Variants in ARPC1A observed in about 807,000 individuals in gnomAD.
ARPC1A encodes actin-related protein 2/3 complex subunit 1A.
Under a neutral mutation model 46.9 loss-of-function variants are expected in ARPC1A, and 8 were observed. The ratio of observed to expected loss-of-function variants is 0.17; its 90% CI spans 0.10 to 0.31. The LOEUF is 0.31. Ranked by LOEUF, ARPC1A falls within the 10% of genes least tolerant of loss-of-function variation. The pLI, the probability that ARPC1A is intolerant of heterozygous loss-of-function variation, is 1.00. For missense variants in ARPC1A, 286 were observed against 483.6 expected, an observed-to-expected ratio of 0.59 and a Z score of 3.83; for synonymous variants, 152 against 169.0, an observed-to-expected ratio of 0.90 and a Z score of 0.78.
At position 99,334,004 on chromosome 7, in the gene ARPC1A, T is replaced by TACAC. The variant is rs547756931; in HGVS notation, c.64+611_64+614dup. Among the ~76,000 whole-genome samples, 413 of 141,356 alleles carry TACAC rather than the reference T, an allele frequency of 2.9e-3. 3 individuals are homozygous for TACAC. Among genetic ancestry groups the TACAC allele is most frequent in the African/African-American group, 6.1e-3 (228 of 37,172 alleles). 92.7% of individuals were successfully genotyped at this position (141,356 alleles called of 152,430 possible). A position where few individuals can be genotyped will look rare whatever the true frequency, so the allele number is the denominator to read the frequency against. On this transcript the variant is annotated intron_variant, in intron 2 of 9. Coordinates refer to ENST00000262942, the MANE Select transcript of ARPC1A (RefSeq NM_006409.4). ...AAAATAGAAAAACTGTGTGTGTGTG[T>TACAC]ACACACACACACACACACACACACA...
intron 9 of ARPC1A, among the ~76,000 whole-genome samples, chr7:99,365,288 T>C (rs1793816752): frequency 1.3e-5 from 2 of 151,502 alleles, no homozygotes; most frequent in African/African-American, 4.9e-5. Context: ...CCCATCTCTA[T>C]AAAAAAGCCA....
chr7:99,326,100 G>A (rs143174279), intron 1 of ARPC1A, 96 bp downstream of exon 1: 2,473 of 152,324 alleles, frequency 0.016, 35 homozygotes, highest in Non-Finnish European at 0.024. Flanking sequence ...CGGGGGCTCA[G>A]GCCGCGGGGC....
intron 6 of ARPC1A, among the ~76,000 whole-genome samples, chr7:99,356,706 CCTGG>C (rs1793641155): frequency 6.6e-6 from 1 of 151,822 alleles, no homozygotes; most frequent in Non-Finnish European, 1.5e-5. Flanking sequence ...TCGAGACCAT[CCTGG>C]CTAACACGGT....
At chr7:99,329,925 G>A (rs373629978) in intron 1 of ARPC1A, among the ~76,000 whole-genome samples, 88 of 152,092 alleles carry the variant, frequency 5.8e-4, no homozygotes, top group African/African-American at 1.8e-3. Flanking sequence ...GAACTAAAGC[G>A]CTTTTAATTA....
At chr7:99,362,330 G>GA (rs1793758358) in intron 8 of ARPC1A, among the ~76,000 whole-genome samples, 1 of 110,610 alleles carries the variant, frequency 9.0e-6, no homozygotes, top group African/African-American at 3.8e-5. Flanking sequence ...GTAAAACCCC[G>GA]CCCCCCTTTT....
intron 5 of ARPC1A, among the ~76,000 whole-genome samples, chr7:99,350,821 A>AT (rs914741661): frequency 1.3e-5 from 2 of 149,866 alleles, no homozygotes; most frequent in Non-Finnish European, 3.0e-5. Context: ...GATTTTGTTT[A>AT]TTTTTTGTAG....
intron 2 of ARPC1A, among the ~76,000 whole-genome samples, chr7:99,334,033 A>C (rs914031299): frequency 8.4e-6 from 1 of 119,224 alleles, no homozygotes; most frequent in Non-Finnish European, 1.6e-5. Context: ...ACACACACAT[A>C]TATATGTATT....
At chr7:99,362,624 G>A (rs954775818) in intron 8 of ARPC1A, among the ~76,000 whole-genome samples, 1 of 151,170 alleles carries the variant, frequency 6.6e-6, no homozygotes, top group Non-Finnish European at 1.5e-5. Flanking sequence ...TTACAGGCGT[G>A]AGCCACTGCA....
At chr7:99,326,988 C>A (rs550574964) in intron 1 of ARPC1A, among the ~76,000 whole-genome samples, 89 of 152,282 alleles carry the variant, frequency 5.8e-4, no homozygotes, top group African/African-American at 2.1e-3. Flanking sequence ...TGTTCTCCTG[C>A]AGCTTTGGAA....
chr7:99,361,223 C>A (rs575569608), intron 8 of ARPC1A, among the ~76,000 whole-genome samples: 186 of 152,128 alleles, frequency 1.2e-3, no homozygotes, highest in African/African-American at 4.2e-3. Context: ...GAACCAGAGA[C>A]CTGGCACCAT....
chr7:99,359,830 C>A, intron 8 of ARPC1A, 92 bp downstream of exon 8: 3 of 1,386,028 alleles, frequency 2.2e-6, no homozygotes, highest in Non-Finnish European at 3.0e-6. Context: ...AGCTCTATGC[C>A]CCTCAGGCCC....
chr7:99,327,222 C>A (rs1357207915), intron 1 of ARPC1A, among the ~76,000 whole-genome samples: 2 of 151,612 alleles, frequency 1.3e-5, no homozygotes, highest in Non-Finnish European at 2.9e-5. Flanking sequence ...GCCTCGACCT[C>A]CTGGGCTTAA....
chr7:99,359,881 C>A, intron 8 of ARPC1A, 143 bp downstream of exon 8: 1 of 961,866 alleles, frequency 1.0e-6, no homozygotes, highest in African/African-American at 1.6e-5. Context: ...AAGTCTGTAT[C>A]TTCCCGACCG....
At chr7:99,335,814 T>TGCG (rs1455243199) in intron 2 of ARPC1A, among the ~76,000 whole-genome samples, 1 of 151,828 alleles carries the variant, frequency 6.6e-6, no homozygotes, top group Non-Finnish European at 1.5e-5. Flanking sequence ...ATTAGCCCGG[T>TGCG]GTGGTGGCGG....
At chr7:99,335,819 T>C (rs1350116047) in intron 2 of ARPC1A, among the ~76,000 whole-genome samples, 1 of 152,104 alleles carries the variant, frequency 6.6e-6, no homozygotes, top group Non-Finnish European at 1.5e-5. Flanking sequence ...CCCGGTGTGG[T>C]GGCGGGCGCC....
At chr7:99,326,205 A>C (rs1007396469) in intron 1 of ARPC1A, among the ~76,000 whole-genome samples, 6 of 152,024 alleles carry the variant, frequency 3.9e-5, no homozygotes, top group African/African-American at 1.2e-4. Context: ...TTTTCTCAGG[A>C]TGTTCGAGCT....
chr7:99,339,986 A>C (rs1431720731), intron 3 of ARPC1A: 1 of 456,270 alleles, frequency 2.2e-6, no homozygotes, highest in South Asian at 1.5e-5. Flanking sequence ...TGAAGAATGC[A>C]TGAAAGGTTC....
At chr7:99,330,117 A>T (rs1793121603) in intron 1 of ARPC1A, among the ~76,000 whole-genome samples, 1 of 152,026 alleles carries the variant, frequency 6.6e-6, no homozygotes, top group Middle Eastern at 3.4e-3. Flanking sequence ...AAATTTTTTT[A>T]AATTGCCAAT....
intron 8 of ARPC1A, among the ~76,000 whole-genome samples, chr7:99,362,512 T>TTG (rs1468298413): frequency 6.7e-6 from 1 of 148,858 alleles, no homozygotes; most frequent in East Asian, 2.0e-4. Flanking sequence ...TTTTTTTTTT[T>TTG]TTGTATCTTT....
Sources: gnomAD v4.1 joint callset for allele counts (sites outside exome capture counted in the v4.1 genomes callset) on GRCh38, gnomAD v4.1.1 for gene constraint, MANE v1.5 for transcripts, NCBI Gene and HGNC (gene_info 2026-07-23, HGNC 2026-07-21) for gene names.